The following DLC1 variants were observed in gnomAD, a reference collection of about 807,000 sequenced individuals.
The protein encoded by DLC1 is rho GTPase-activating protein 7.
DLC1 carries 54 observed loss-of-function variants against 140.3 expected under a neutral mutation model. That is an observed-to-expected ratio of 0.38 (90% CI 0.31 to 0.48). DLC1 has a LOEUF of 0.48. Ranked by LOEUF, DLC1 falls within the 20% of genes least tolerant of loss-of-function variation. The probability of loss-of-function intolerance (pLI) is 0.96; values close to 1 mark genes in which losing one functional copy is unlikely to be tolerated. For missense variants in DLC1, 2,536 were observed against 1,907.0 expected (o/e 1.33, Z -6.14); for synonymous variants, 986 against 728.1 (o/e 1.35, Z -5.70).
intron 3 of DLC1, among the ~76,000 whole-genome samples, chr8:13,397,744 G>A (rs1485616604): frequency 2.6e-5 from 4 of 152,108 alleles, no homozygotes; most frequent in African/African-American, 9.7e-5. Context: ...GCTGAGGCAG[G>A]AGGATTGCTT....
At chr8:13,580,164 C>G (rs1022340024) in intron 1 of DLC1, among the ~76,000 whole-genome samples, 3 of 149,882 alleles carry the variant, frequency 2.0e-5, no homozygotes, top group Non-Finnish European at 4.4e-5. Context: ...GCTCTGTTGT[C>G]CAGGCTGGAG....
chr8:13,357,352 G>C (rs1451031425), intron 4 of DLC1, among the ~76,000 whole-genome samples: 3 of 152,208 alleles, frequency 2.0e-5, no homozygotes, highest in African/African-American at 7.2e-5. Context: ...GATGCACCAT[G>C]TCAGAGAAAA....
intron 2 of DLC1, among the ~76,000 whole-genome samples, chr8:13,476,016 A>G (rs190355701): frequency 3.9e-4 from 59 of 152,326 alleles, no homozygotes; most frequent in African/African-American, 8.9e-4. Context: ...AATGTTTACC[A>G]TTTCTTAGGG....
At chr8:13,336,706 T>C (rs1167461025) in intron 4 of DLC1, among the ~76,000 whole-genome samples, 2 of 152,184 alleles carry the variant, frequency 1.3e-5, no homozygotes, top group Non-Finnish European at 2.9e-5. Context: ...AAAATGAGTA[T>C]AAGAACAGTA....
intron 1 of DLC1, among the ~76,000 whole-genome samples, chr8:13,542,919 A>T (rs1188016686): frequency 6.6e-6 from 1 of 152,082 alleles, no homozygotes; most frequent in Non-Finnish European, 1.5e-5. Context: ...TACTGAAGAT[A>T]GTTTTATTTC....
intron 1 of DLC1, among the ~76,000 whole-genome samples, chr8:13,593,054 C>G (rs1440506745): frequency 6.6e-6 from 1 of 152,008 alleles, no homozygotes; most frequent in Non-Finnish European, 1.5e-5. Context: ...ATATTACAGT[C>G]TGAAGTAGCA....
chr8:13,245,147 T>G (rs903912872), intron 5 of DLC1, among the ~76,000 whole-genome samples: 13 of 152,198 alleles, frequency 8.5e-5, no homozygotes, highest in Non-Finnish European at 1.3e-4. Flanking sequence ...GGCCTTGTTT[T>G]AAGAGGTCTG....
intron 5 of DLC1, among the ~76,000 whole-genome samples, chr8:13,252,909 G>A (rs764988833): frequency 1.4e-4 from 22 of 152,168 alleles, no homozygotes; most frequent in Non-Finnish European, 2.8e-4. Context: ...AAAACATTAA[G>A]TTTTATCAAG....
chr8:13,144,708 T>G (rs1014002491), intron 5 of DLC1, among the ~76,000 whole-genome samples: 1 of 152,168 alleles, frequency 6.6e-6, no homozygotes, highest in African/African-American at 2.4e-5. Context: ...GAGCTTGCAG[T>G]GAGCCGAGAT....
chr8:13,465,215 T>C (rs150469884), intron 2 of DLC1, among the ~76,000 whole-genome samples: 1 of 152,322 alleles, frequency 6.6e-6, no homozygotes, highest in African/African-American at 2.4e-5. Context: ...AATATTCTTG[T>C]CCACCTTTCC....
chr8:13,214,284 C>G (rs1828085465), intron 5 of DLC1: 1 of 200,754 alleles, frequency 5.0e-6, no homozygotes, highest in Admixed American at 5.3e-5. Context: ...TTTCTTCTAA[C>G]CAGGGAGGGC....
intron 5 of DLC1, among the ~76,000 whole-genome samples, chr8:13,139,772 C>A (rs528881397): frequency 6.6e-6 from 1 of 152,332 alleles, no homozygotes; most frequent in Admixed American, 6.5e-5. Flanking sequence ...CTGATTCTTT[C>A]GTGTGTCCCC....
At chr8:13,558,943 C>G (rs140931999) in intron 1 of DLC1, 2 of 152,146 alleles carry the variant, frequency 1.3e-5, no homozygotes, top group African/African-American at 2.4e-5. Context: ...ATTGAAAAGG[C>G]AGACAAAACA....
intron 4 of DLC1, chr8:13,340,432 C>G (rs1833990053): frequency 2.6e-5 from 4 of 152,200 alleles, no homozygotes. Context: ...AACTCCTGAC[C>G]TCAAGTGATC....
intron 1 of DLC1, among the ~76,000 whole-genome samples, chr8:13,504,634 AAG>A (rs1237777494): frequency 7.9e-5 from 12 of 152,196 alleles, no homozygotes; most frequent in Admixed American, 2.6e-4. Flanking sequence ...GAAAGAGAAA[AAG>A]AGATGATATA....
At chr8:13,092,867 G>C (rs765110854) in intron 12 of DLC1, 42 bp from the exon 13 acceptor site, 2 of 1,584,572 alleles carry the variant, frequency 1.3e-6, no homozygotes, top group Non-Finnish European at 1.7e-6. Flanking sequence ...TGGTGAATTT[G>C]CATGGACATT....
intron 4 of DLC1, among the ~76,000 whole-genome samples, chr8:13,364,605 G>A (rs996868224): frequency 3.3e-5 from 5 of 152,110 alleles, no homozygotes; most frequent in African/African-American, 7.2e-5. Flanking sequence ...CCTGCATAAT[G>A]ATACTTCTAT....
intron 7 of DLC1, 117 bp from the exon 8 acceptor site, chr8:13,102,970 C>T: frequency 2.5e-6 from 2 of 813,562 alleles, no homozygotes; most frequent in South Asian, 3.2e-5. Context: ...TCAGTAATAC[C>T]TAATACCTAG....
chr8:13,384,170 C>T (rs908729077), intron 4 of DLC1, among the ~76,000 whole-genome samples: 1 of 152,172 alleles, frequency 6.6e-6, no homozygotes, highest in Non-Finnish European at 1.5e-5. Context: ...AGATTAATAT[C>T]TTGTGGACCT....
Sources: gnomAD v4.1 joint callset for allele counts (sites outside exome capture counted in the v4.1 genomes callset) on GRCh38, gnomAD v4.1.1 for gene constraint, MANE v1.5 for transcripts, NCBI Gene and HGNC (gene_info 2026-07-23, HGNC 2026-07-21) for gene names.